Variants in ZFPM2 observed in about 807,000 individuals in gnomAD.
ZFPM2 encodes zinc finger protein ZFPM2.
A neutral mutation model predicts 98.6 loss-of-function variants in ZFPM2; 20 were observed. That is an observed-to-expected ratio of 0.20 (90% CI 0.14 to 0.29). The LOEUF (loss-of-function observed/expected upper bound fraction) is 0.29. Ranked by LOEUF, ZFPM2 falls within the 10% of genes least tolerant of loss-of-function variation. The pLI is 1.00. For synonymous variants in ZFPM2, 518 were observed against 502.7 expected, an observed-to-expected ratio of 1.03 and a Z score of -0.41; for missense variants, 1,310 against 1,388.6, an observed-to-expected ratio of 0.94 and a Z score of 0.90.
At chr8:105,545,532 G>A (rs1353487783) in intron 3 of ZFPM2, among the ~76,000 whole-genome samples, 4 of 152,020 alleles carry the variant, frequency 2.6e-5, no homozygotes, top group African/African-American at 9.7e-5. Flanking sequence ...GAAAATATAA[G>A]GACTATATTC....
At position 105,620,811 on chromosome 8, in the gene ZFPM2, T is replaced by C. The variant is rs184939435; in HGVS notation, c.421-13435T>C. On this transcript the variant is annotated intron_variant, in intron 4 of 7. Transcript: ENST00000407775. Reference sequence around the variant, plus strand: ...GGAATCCTTTCCCCATTTCTTGTTTTTGTCAGGTTTGTCAAAGATCAGATG... The same window carrying C: ...GGAATCCTTTCCCCATTTCTTGTTTCTGTCAGGTTTGTCAAAGATCAGATG... Among the ~76,000 whole-genome samples, 12 of 152,298 alleles carry C rather than the reference T, an allele frequency of 7.9e-5. No homozygotes were observed. The East Asian group carries it at 2.1e-3, about 27-fold the overall frequency.
chr8:105,411,082 A>G (rs1215259741), intron 1 of ZFPM2, among the ~76,000 whole-genome samples: 1 of 151,882 alleles, frequency 6.6e-6, no homozygotes, highest in East Asian at 1.9e-4. Context: ...CTGTGTCTAG[A>G]TTTTTTTAAA....
chr8:105,620,139 G>C (rs986023628), intron 4 of ZFPM2, among the ~76,000 whole-genome samples: 5 of 152,130 alleles, frequency 3.3e-5, no homozygotes, highest in African/African-American at 1.2e-4. Flanking sequence ...CTAGTTTACA[G>C]TCCCACCAAC....
intron 5 of ZFPM2, among the ~76,000 whole-genome samples, chr8:105,773,870 T>G (rs1278495567): frequency 1.3e-5 from 2 of 152,036 alleles, no homozygotes; most frequent in African/African-American, 4.8e-5. Context: ...GTCAACACAA[T>G]GAAACACACT....
rs1272161894 is a variant in ZFPM2, at chr8:105,326,780, G to A, written c.40+7799G>A. On this transcript the variant is annotated intron_variant, in intron 1 of 7. Transcript: ENST00000407775. ...TGCTAGAAACTGTTGAATGGTGTTA[G>A]TCTGATATTTTCATGGAGGTGACTT... is the stretch of plus-strand genomic sequence containing the variant. 1.3e-4 allele frequency among the ~76,000 whole-genome samples: 19 copies of A among 151,222 alleles called. No individual in the cohort carries two copies. The East Asian group carries it at 3.7e-3, about 29-fold the overall frequency.
At chr8:105,511,410 G>A (rs1813814958) in intron 3 of ZFPM2, among the ~76,000 whole-genome samples, 1 of 152,210 alleles carries the variant, frequency 6.6e-6, no homozygotes, top group Non-Finnish European at 1.5e-5. Flanking sequence ...AACAATTCCT[G>A]TTGTTGTAGT....
intron 5 of ZFPM2, among the ~76,000 whole-genome samples, chr8:105,672,378 CT>C (rs1178156326): frequency 4.0e-5 from 6 of 151,768 alleles, no homozygotes; most frequent in Admixed American, 3.3e-4. Context: ...ACATTTTTCT[CT>C]GTTTTCAGTC....
intron 3 of ZFPM2, among the ~76,000 whole-genome samples, chr8:105,484,568 T>C (rs1268052029): frequency 6.6e-6 from 1 of 152,190 alleles, no homozygotes; most frequent in Non-Finnish European, 1.5e-5. Flanking sequence ...GGAAAATAAT[T>C]TCATTTACTC....
chr8:105,606,451 T>C (rs1816199642), intron 4 of ZFPM2, among the ~76,000 whole-genome samples: 1 of 152,078 alleles, frequency 6.6e-6, no homozygotes, highest in African/African-American at 2.4e-5. Flanking sequence ...ATTCTGTCAC[T>C]GCTGAGCTTG....
At chr8:105,413,523 CATATAT>C (rs1467864397) in intron 1 of ZFPM2, among the ~76,000 whole-genome samples, 1 of 147,890 alleles carries the variant, frequency 6.8e-6, no homozygotes, top group Non-Finnish European at 1.5e-5. Context: ...CACACACGCA[CATATAT>C]ATATATCTCG....
intron 3 of ZFPM2, among the ~76,000 whole-genome samples, chr8:105,445,666 A>G: frequency 6.6e-6 from 1 of 151,604 alleles, no homozygotes; most frequent in Non-Finnish European, 1.5e-5. Flanking sequence ...GTGCAGTGGC[A>G]TGATCTTGGC....
chr8:105,397,724 C>G (rs1043565331), intron 1 of ZFPM2, among the ~76,000 whole-genome samples: 5 of 151,972 alleles, frequency 3.3e-5, no homozygotes, highest in African/African-American at 9.7e-5. Flanking sequence ...GTTTGTTGTG[C>G]CATATACAAG....
intron 5 of ZFPM2, among the ~76,000 whole-genome samples, chr8:105,669,321 T>G (rs918157132): frequency 6.6e-6 from 1 of 151,956 alleles, no homozygotes; most frequent in Admixed American, 6.6e-5. Context: ...TACTAAATAC[T>G]CAGTACATTT....
At chr8:105,661,074 C>T (rs1415934919) in intron 5 of ZFPM2, among the ~76,000 whole-genome samples, 36 of 152,184 alleles carry the variant, frequency 2.4e-4, no homozygotes, top group Admixed American at 2.3e-3. Flanking sequence ...AAAAATGCCT[C>T]AAATATCAAA....
At chr8:105,621,890 GCA>G (rs1816559240) in intron 4 of ZFPM2, among the ~76,000 whole-genome samples, 1 of 152,108 alleles carries the variant, frequency 6.6e-6, no homozygotes, top group East Asian at 1.9e-4. Flanking sequence ...GGGTGCATGT[GCA>G]CAATGTGCAG....
intron 4 of ZFPM2, among the ~76,000 whole-genome samples, chr8:105,603,049 T>C (rs376216123): frequency 9.9e-5 from 15 of 152,156 alleles, no homozygotes; most frequent in East Asian, 7.7e-4. Context: ...TGGAGAATAG[T>C]GATTCATTTC....
intron 5 of ZFPM2, among the ~76,000 whole-genome samples, chr8:105,656,772 A>C (rs139250121): frequency 1.8e-3 from 272 of 152,304 alleles, no homozygotes; most frequent in African/African-American, 2.9e-3. Flanking sequence ...AATACTGAAA[A>C]GTTTTAAAAG....
chr8:105,489,297 T>C (rs1244989328), intron 3 of ZFPM2, among the ~76,000 whole-genome samples: 3 of 151,162 alleles, frequency 2.0e-5, no homozygotes, highest in East Asian at 1.9e-4. Context: ...TAAGATGATA[T>C]CACTTTACCA....
At chr8:105,698,430 C>T (rs1188117133) in intron 5 of ZFPM2, among the ~76,000 whole-genome samples, 2 of 152,160 alleles carry the variant, frequency 1.3e-5, no homozygotes, top group Non-Finnish European at 2.9e-5. Context: ...CCACTTTTCA[C>T]TTTCTTAAAT....
Sources: allele counts gnomAD v4.1 joint callset (sites outside exome capture counted in the v4.1 genomes callset), GRCh38; gene constraint gnomAD v4.1.1; transcripts MANE v1.5; gene names NCBI Gene and HGNC (gene_info 2026-07-23, HGNC 2026-07-21).